TNRC18: variants seen among roughly 807,000 people sequenced by gnomAD.
The protein encoded by TNRC18 is trinucleotide repeat-containing gene 18 protein.
TNRC18 carries 69 observed loss-of-function variants against 226.7 expected under a neutral mutation model. The ratio of observed to expected loss-of-function variants is 0.30; its 90% CI spans 0.25 to 0.37. TNRC18 has a LOEUF of 0.37. Among genes scored for constraint, TNRC18 ranks in the 10% least tolerant of loss-of-function variants. TNRC18 has a pLI of 1.00. For missense variants in TNRC18, 4,754 were observed against 4,256.6 expected, an observed-to-expected ratio of 1.12 and a Z score of -3.25; for synonymous variants, 2,449 against 1,927.6, an observed-to-expected ratio of 1.27 and a Z score of -7.09.
rs1461359600 is a variant in TNRC18 at position 5,312,608 on chromosome 7, C to T, written c.8283G>A (p.Lys2761=). The T allele has an allele frequency of 6.8e-6, 11 of 1,610,724 alleles. No homozygotes were observed. Among genetic ancestry groups the T allele is most frequent in the African/African-American group, 1.3e-5 (1 of 74,862 alleles). ...KREGVHLPTT[K]ELAKRQRLPS... ...GCAGGCGCTGCCGCTTGGCCAGCTC[C>T]TTGGTGGTGGGGAGGTGGACGCCCT... The change falls in exon 27 of 30, where the codon AAG becomes AAA. Residue 2761 remains lysine (K), a synonymous_variant. Coordinates refer to ENST00000430969, the MANE Select transcript of TNRC18 (RefSeq NM_001080495.3). The surrounding 1 kb of genome is among the most constrained non-coding windows in gnomAD (Gnocchi z 6.3).
intron 18 of TNRC18, among the ~76,000 whole-genome samples, chr7:5,337,616 T>A (rs1790261494): frequency 6.6e-6 from 1 of 152,000 alleles, no homozygotes; most frequent in Non-Finnish European, 1.5e-5. Flanking sequence ...ACAGAAATAA[T>A]AAATATCTGA....
chr7:5,316,770 G>A (rs191927856), intron 24 of TNRC18, among the ~76,000 whole-genome samples: 1 of 152,354 alleles, frequency 6.6e-6, no homozygotes, highest in East Asian at 1.9e-4. Flanking sequence ...GAGATGCCGG[G>A]ATGAACGTGC....
intron 19 of TNRC18, 126 bp downstream of exon 19, chr7:5,332,496 G>C: frequency 9.2e-7 from 1 of 1,091,654 alleles, no homozygotes; most frequent in Non-Finnish European, 1.3e-6. Flanking sequence ...GCTCCGGGCG[G>C]GCCTGGAGCC....
chr7:5,308,960 G>C lies in TNRC18; in HGVS notation c.8626-11C>G, dbSNP rs1353309500. On this transcript the variant is annotated splice_polypyrimidine_tract_variant and intron_variant, in intron 28 of 29. Transcript: ENST00000430969. ...CTTCTGGTCCCAGTGCTGTGTGGGG[G>C]AGAGAGGAGGGGCTTGGGTGAGCCC... The C allele has an allele frequency of 6.3e-7, 1 of 1,597,994 alleles. No homozygotes were observed. The highest frequency in any genetic ancestry group is 2.3e-5 in the East Asian group (1 of 44,272).
chr7:5,331,324 C>T (rs561309620), intron 19 of TNRC18, among the ~76,000 whole-genome samples: 1 of 151,974 alleles, frequency 6.6e-6, no homozygotes. Flanking sequence ...GTGGCCAGTG[C>T]AAAAAGGGTA....
chr7:5,412,086 C>T (rs1584115259), intron 2 of TNRC18, among the ~76,000 whole-genome samples: 1 of 151,852 alleles, frequency 6.6e-6, no homozygotes, highest in African/African-American at 2.4e-5. Context: ...ACTTAGGAGG[C>T]ACTGAAGTGG....
intron 2 of TNRC18, among the ~76,000 whole-genome samples, chr7:5,414,207 A>C (rs1418951675): frequency 6.6e-6 from 1 of 152,050 alleles, no homozygotes; most frequent in Non-Finnish European, 1.5e-5. Flanking sequence ...TCAGACTCCC[A>C]AAGTGCCGGG....
rs370539555 is a variant in TNRC18 at position 5,308,196 on chromosome 7, C to G, written c.8817G>C (p.Gln2939His). 51 of 1,608,192 alleles carry G rather than the reference C, an allele frequency of 3.2e-5. No individual in the cohort carries two copies. Among genetic ancestry groups the G allele is most frequent in the Admixed American group, 1.5e-4 (9 of 59,362 alleles). ...YEQMLKTKKYQDSEGLYYLAG... is the reference protein window; with the variant it reads ...YEQMLKTKKYHDSEGLYYLAG... ...CGAGGTAGTACAGGCCCTCGCTGTCCTGGTACTTCTTGGTCTTCAGCATCT... is the reference window on the plus strand; with the variant it reads ...CGAGGTAGTACAGGCCCTCGCTGTCGTGGTACTTCTTGGTCTTCAGCATCT... Residue 2939 changes from glutamine to histidine, a missense_variant, in exon 30 of 30, where the codon CAG becomes CAC. Transcript: ENST00000430969.
intron 18 of TNRC18, among the ~76,000 whole-genome samples, chr7:5,334,947 C>A (rs375111009): frequency 6.6e-5 from 10 of 152,190 alleles, no homozygotes; most frequent in South Asian, 2.1e-4. Context: ...GAAATAGAGT[C>A]CCGCTGACCT....
At position 5,361,629 on chromosome 7, in the gene TNRC18, G is replaced by C; in HGVS notation, c.4626C>G (p.Pro1542=). Residue 1542 remains proline (P), a synonymous_variant, in exon 14 of 30, where the codon CCC becomes CCG. Transcript: ENST00000430969. Reference sequence around the variant, plus strand: ...TGTGGCCGCTCTTCCCTCTCTTGCGGGGGGGCGACAGGGCGCTCGGGGCGT... The same window carrying C: ...TGTGGCCGCTCTTCCCTCTCTTGCGCGGGGGCGACAGGGCGCTCGGGGCGT... ...RTHAPSALSP[P]RKRGKSGHSS... 1 of 1,548,060 alleles carries C rather than the reference G, an allele frequency of 6.5e-7. No individual in the cohort carries two copies. Among genetic ancestry groups the C allele is most frequent in the Non-Finnish European group, 8.7e-7 (1 of 1,147,860 alleles).
Position 5,374,042 on chromosome 7 carries a change from A to C in TNRC18, c.3229+13T>G. ...GGCAGAGTGAGACCCTGAGGGTCTC[A>C]GCTGCATCCTACCTGAGAACAGGGC... On this transcript the variant is annotated intron_variant, in intron 10 of 29. Transcript: ENST00000430969. 2 of 1,540,030 alleles carry C rather than the reference A, an allele frequency of 1.3e-6. No individual in the cohort carries two copies. Among genetic ancestry groups the C allele is most frequent in the Non-Finnish European group, 1.7e-6 (2 of 1,149,946 alleles).
intron 2 of TNRC18, among the ~76,000 whole-genome samples, chr7:5,416,102 ACT>A (rs1782166905): frequency 8.1e-6 from 1 of 123,484 alleles, no homozygotes; most frequent in South Asian, 2.6e-4. Flanking sequence ...ACAGAGCAAG[ACT>A]CTCTCGCAAA....
At chr7:5,314,764 A>C (rs1008766882) in intron 26 of TNRC18, among the ~76,000 whole-genome samples, 2 of 151,778 alleles carry the variant, frequency 1.3e-5, no homozygotes, top group Admixed American at 6.6e-5. Context: ...GTAGAGACGG[A>C]GTTTCACCAC....
Position 5,377,816 on chromosome 7 carries a change from C to G in TNRC18, c.2255+106G>C. 7.1e-6 allele frequency: 8 copies of G among 1,133,260 alleles called. No homozygotes were observed. Among genetic ancestry groups the G allele is most frequent in the Non-Finnish European group, 1.0e-5 (8 of 777,586 alleles). 70.2% of individuals were successfully genotyped at this position (1,133,260 alleles called of 1,614,324 possible). A position where few individuals can be genotyped will look rare whatever the true frequency, so the allele number is the denominator to read the frequency against. On this transcript the variant is annotated intron_variant, in intron 6 of 29. Coordinates refer to ENST00000430969, the MANE Select transcript of TNRC18 (RefSeq NM_001080495.3). This position sits in a 1 kb window ranked among gnomAD's most constrained non-coding sequence, Gnocchi z 5.8. ...GTGACTCCCGCTCTCAGTACCATAG[C>G]ATCCATGGTCGAGGGGCCAAGCCCA...
At chr7:5,375,945 ACTGT>A in intron 9 of TNRC18, 85 bp downstream of exon 9, 3 of 1,319,530 alleles carry the variant, frequency 2.3e-6, no homozygotes, top group Non-Finnish European at 3.1e-6. Context: ...CCTCCCTGTA[ACTGT>A]CTGGAGATTC....
intron 3 of TNRC18, 145 bp from the exon 4 acceptor site, chr7:5,390,773 T>C (rs977627311): frequency 3.2e-6 from 3 of 924,490 alleles, no homozygotes; most frequent in Non-Finnish European, 4.7e-6. Context: ...CTCAGGGCAA[T>C]GCATTCTCCT....
intron 25 of TNRC18, among the ~76,000 whole-genome samples, chr7:5,315,731 T>C (rs1787783719): frequency 6.6e-6 from 1 of 152,212 alleles, no homozygotes; most frequent in African/African-American, 2.4e-5. Context: ...CATTAACAAT[T>C]TTTGATCAGC....
At chr7:5,358,949 G>A (rs76531165) in intron 15 of TNRC18, among the ~76,000 whole-genome samples, 4,796 of 152,330 alleles carry the variant, frequency 0.031, 107 homozygotes, top group Middle Eastern at 0.051. Context: ...AAGAATCAAG[G>A]AGTTGGCTCT....
intron 2 of TNRC18, among the ~76,000 whole-genome samples, chr7:5,400,961 G>A (rs1440636893): frequency 1.3e-5 from 2 of 152,140 alleles, no homozygotes; most frequent in African/African-American, 2.4e-5. Context: ...AGGATTGCTC[G>A]AGCACAGGAG....
Sources: allele counts gnomAD v4.1 joint callset (sites outside exome capture counted in the v4.1 genomes callset), GRCh38; gene constraint gnomAD v4.1.1; non-coding constraint Gnocchi (gnomAD v3.1); transcripts MANE v1.5; gene names NCBI Gene and HGNC (gene_info 2026-07-23, HGNC 2026-07-21).